Variants in SPATA3 observed in about 807,000 individuals in gnomAD.
SPATA3 encodes the protein spermatogenesis-associated protein 3.
Under a neutral mutation model 5.7 loss-of-function variants are expected in SPATA3, and 6 were observed. That is an observed-to-expected ratio of 1.06 (90% CI 0.58 to 2.09). The LOEUF (loss-of-function observed/expected upper bound fraction) is 2.09. Among genes scored for constraint, SPATA3 ranks in the 30% most tolerant of loss-of-function variants. The pLI is 0.00. For missense variants in SPATA3, 155 were observed against 130.4 expected, an observed-to-expected ratio of 1.19 and a Z score of -0.92; for synonymous variants, 44 against 48.4, an observed-to-expected ratio of 0.91 and a Z score of 0.37.
chr2:231,018,969 CTT>C (rs10652495), intron 6 of SPATA3, among the ~76,000 whole-genome samples: 4 of 126,288 alleles, frequency 3.2e-5, no homozygotes, highest in Admixed American at 8.4e-5. Flanking sequence ...TTTTCTTTTT[CTT>C]TTTTTTTTTT....
At position 230,996,441 on chromosome 2, in the gene SPATA3, C is replaced by T. The variant is rs1364241415; in HGVS notation, c.791-3925C>T. 3.2e-6 allele frequency: 5 copies of T among 1,552,270 alleles called. No homozygotes were observed. The East Asian group carries it at 7.3e-5, about 23-fold the overall frequency. ...AACCACCTCCCGGCAGCCAGCATTC[C>T]AAGCCCTTCCAGCACCCGAAATCCG... On this transcript the variant is annotated intron_variant, in intron 1 of 2. Transcript: ENST00000645363.
downstream of SPATA3, among the ~76,000 whole-genome samples, chr2:231,011,720 CAG>C (rs142807240): frequency 0.048 from 7,342 of 152,202 alleles, 242 homozygotes; most frequent in Non-Finnish European, 0.074. Flanking sequence ...CCATGAGACT[CAG>C]GGGACACCTG....
At chr2:231,011,234 C>T (rs1692779721), downstream of SPATA3, among the ~76,000 whole-genome samples, 1 of 152,088 alleles carries the variant, frequency 6.6e-6, no homozygotes, top group South Asian at 2.1e-4. Context: ...CCTGCCTCAG[C>T]CTCCCGAGTA....
intron 6 of SPATA3, among the ~76,000 whole-genome samples, chr2:231,015,119 C>T (rs978475242): frequency 6.6e-6 from 1 of 152,062 alleles, no homozygotes; most frequent in East Asian, 1.9e-4. Flanking sequence ...CCTACAGAGT[C>T]CCAACTGAGG....
At chr2:231,000,825 C>A (rs950949837) in intron 2 of SPATA3, among the ~76,000 whole-genome samples, 1 of 152,118 alleles carries the variant, frequency 6.6e-6, no homozygotes, top group African/African-American at 2.4e-5. Flanking sequence ...TCCAGAGATG[C>A]CCTCCCCTCC....
chr2:231,002,625 T>C, intron 2 of SPATA3, 59 bp from the exon 3 acceptor site: 1 of 1,085,134 alleles, frequency 9.2e-7, no homozygotes, highest in Non-Finnish European at 1.3e-6. Flanking sequence ...TTTCTCCTGT[T>C]CGTAGAGAGG....
At chr2:231,008,932 CAGAG>C (rs944760525), downstream of SPATA3, among the ~76,000 whole-genome samples, 3 of 152,260 alleles carry the variant, frequency 2.0e-5, no homozygotes, top group Admixed American at 1.3e-4. Flanking sequence ...TCAAGTCTAG[CAGAG>C]AGGGTGAGCC....
At position 230,996,487 on chromosome 2, in the gene SPATA3, T is replaced by C. The variant is rs1213514163; in HGVS notation, c.791-3879T>C. On this transcript the variant is annotated intron_variant, in intron 1 of 2. Transcript: ENST00000645363. ...ATCCGCCGCTCCTCTTGCTGCCTTT[T>C]ATCTCCAGATGCTAACGTGAAGGCA... 1.1e-5 allele frequency: 17 copies of C among 1,552,238 alleles called. No homozygotes were observed. In the East Asian group the frequency reaches 4.2e-4, roughly 38 times the overall value.
intron 1 of SPATA3, among the ~76,000 whole-genome samples, chr2:230,997,468 T>C (rs544945993): frequency 3.3e-5 from 5 of 152,330 alleles, no homozygotes; most frequent in South Asian, 2.1e-4. Context: ...ATGGATAGGA[T>C]AGCCAGACAA....
intron 6 of SPATA3, among the ~76,000 whole-genome samples, chr2:231,019,449 G>A (rs894899438): frequency 4.7e-5 from 7 of 148,042 alleles, no homozygotes; most frequent in East Asian, 2.2e-4. Flanking sequence ...TCAGCCTCCC[G>A]AGTAGCTGGG....
downstream of SPATA3, among the ~76,000 whole-genome samples, chr2:231,011,547 T>G (rs1329278602): frequency 1.3e-5 from 2 of 151,916 alleles, no homozygotes; most frequent in Admixed American, 1.3e-4. Context: ...AGATGAGAGG[T>G]CCTTGGCTTT....
intron 2 of SPATA3, among the ~76,000 whole-genome samples, chr2:231,002,102 T>A (rs1692374141): frequency 6.6e-6 from 1 of 152,230 alleles, no homozygotes; most frequent in African/African-American, 2.4e-5. Context: ...CTGCTCCAAT[T>A]TTAGCACTGG....
chr2:230,996,705 C>T (rs1692137180), intron 1 of SPATA3, among the ~76,000 whole-genome samples, 171 bp downstream of exon 1: 1 of 152,140 alleles, frequency 6.6e-6, no homozygotes. Flanking sequence ...ACCAGGATTC[C>T]TGGGTTTTGT....
downstream of SPATA3, among the ~76,000 whole-genome samples, chr2:231,009,204 A>G (rs1692717535): frequency 6.6e-6 from 1 of 152,142 alleles, no homozygotes; most frequent in South Asian, 2.1e-4. Flanking sequence ...AAAACAGCAC[A>G]TGCTCCCTCC....
At chr2:230,999,757 T>TTA (rs2125095776) in intron 1 of SPATA3, 1 of 169,314 alleles carries the variant, frequency 5.9e-6, no homozygotes, top group South Asian at 2.0e-4. Context: ...ATGCTCTAGA[T>TTA]CAATGGAACG....
At chr2:231,018,712 A>T (rs1168289890) in intron 6 of SPATA3, among the ~76,000 whole-genome samples, 1 of 151,360 alleles carries the variant, frequency 6.6e-6, no homozygotes, top group African/African-American at 2.4e-5. Context: ...AGGTGGAGTC[A>T]TCTTGCTCTG....
intron 1 of SPATA3, 95 bp from the exon 2 acceptor site, chr2:231,000,271 G>A (rs1164002977): frequency 8.5e-6 from 10 of 1,173,892 alleles, no homozygotes; most frequent in South Asian, 4.0e-5. Flanking sequence ...AGCTGCTGCC[G>A]TTGTGGGGGG....
chr2:231,008,301 G>A (rs1008422846), downstream of SPATA3, among the ~76,000 whole-genome samples: 3 of 152,224 alleles, frequency 2.0e-5, no homozygotes, highest in Non-Finnish European at 2.9e-5. Flanking sequence ...GTGCAGATGC[G>A]AGGTTTAGGA....
At chr2:231,019,133 A>AT (rs10715003) in intron 6 of SPATA3, among the ~76,000 whole-genome samples, 3 of 148,706 alleles carry the variant, frequency 2.0e-5, no homozygotes, top group Admixed American at 1.3e-4. Flanking sequence ...CGCTTGGCTA[A>AT]TTTTTTTTTG....
Sources: allele counts gnomAD v4.1 joint callset (sites outside exome capture counted in the v4.1 genomes callset), GRCh38; gene constraint gnomAD v4.1.1; transcripts MANE v1.5; gene names NCBI Gene and HGNC (gene_info 2026-07-23, HGNC 2026-07-21).